Variants in CDH18 observed in about 807,000 individuals in gnomAD.
CDH18 encodes the protein cadherin-18.
CDH18 carries 31 observed loss-of-function variants against 67.9 expected under a neutral mutation model. The ratio of observed to expected loss-of-function variants is 0.46; its 90% CI spans 0.34 to 0.62. The LOEUF is 0.62. Among genes scored for constraint, CDH18 ranks in the 20% least tolerant of loss-of-function variants. The pLI is 0.01. For missense variants in CDH18, 890 were observed against 975.5 expected (o/e 0.91, Z 1.17); for synonymous variants, 362 against 347.2 (o/e 1.04, Z -0.48).
chr5:20,287,667 T>C (rs947290688), intron 1 of CDH18, among the ~76,000 whole-genome samples: 1 of 151,776 alleles, frequency 6.6e-6, no homozygotes, highest in Non-Finnish European at 1.5e-5. Flanking sequence ...CATGATGAGC[T>C]GATAACAATA....
At chr5:19,863,346 AGGT>A (rs1433977558) in intron 2 of CDH18, among the ~76,000 whole-genome samples, 1 of 152,162 alleles carries the variant, frequency 6.6e-6, no homozygotes, top group Non-Finnish European at 1.5e-5. Flanking sequence ...CTAGAAAACA[AGGT>A]TAACGCAGTG....
chr5:20,093,111 C>T (rs1745585437), intron 2 of CDH18, among the ~76,000 whole-genome samples: 1 of 152,048 alleles, frequency 6.6e-6, no homozygotes, highest in South Asian at 2.1e-4. Context: ...CTGGCACACA[C>T]CTGCATTCCC....
chr5:20,222,206 A>G (rs1300443717), intron 2 of CDH18, among the ~76,000 whole-genome samples: 1 of 152,212 alleles, frequency 6.6e-6, no homozygotes, highest in East Asian at 1.9e-4. Flanking sequence ...GAAAAGAATG[A>G]AGATAGATGC....
chr5:20,293,236 G>C (rs1747237315), intron 1 of CDH18, among the ~76,000 whole-genome samples: 1 of 152,088 alleles, frequency 6.6e-6, no homozygotes, highest in African/African-American at 2.4e-5. Context: ...AGAATTGCTT[G>C]AACCCAGGAG....
chr5:19,787,000 C>A (rs930529947), intron 3 of CDH18, among the ~76,000 whole-genome samples: 1 of 152,078 alleles, frequency 6.6e-6, no homozygotes, highest in African/African-American at 2.4e-5. Context: ...AGGACAAGAT[C>A]CCCTACAGAC....
At chr5:20,109,019 A>G (rs1438925639) in intron 2 of CDH18, among the ~76,000 whole-genome samples, 1 of 152,220 alleles carries the variant, frequency 6.6e-6, no homozygotes. Flanking sequence ...GAATCATTTA[A>G]TCTTCTATTT....
chr5:20,266,913 G>A (rs1745085539), intron 1 of CDH18, among the ~76,000 whole-genome samples: 1 of 152,102 alleles, frequency 6.6e-6, no homozygotes, highest in African/African-American at 2.4e-5. Flanking sequence ...AACATGTTTA[G>A]GAGTTGGAAG....
At chr5:20,160,913 A>G (rs1170597291) in intron 2 of CDH18, among the ~76,000 whole-genome samples, 1 of 152,258 alleles carries the variant, frequency 6.6e-6, no homozygotes, top group East Asian at 1.9e-4. Context: ...ATGGTTATAA[A>G]AAAAGAATAA....
At chr5:20,285,951 A>C (rs1381570351) in intron 1 of CDH18, among the ~76,000 whole-genome samples, 1 of 151,636 alleles carries the variant, frequency 6.6e-6, no homozygotes, top group East Asian at 1.9e-4. Context: ...ATCTTTAGTT[A>C]GTTTCTGTGA....
intron 2 of CDH18, among the ~76,000 whole-genome samples, chr5:19,920,716 G>GT (rs1305495507): frequency 1.3e-5 from 2 of 151,886 alleles, no homozygotes; most frequent in East Asian, 3.9e-4. Flanking sequence ...GTTTCACCAT[G>GT]TTGGCCAGTC....
chr5:20,476,329 A>G (rs1581072347), intron 1 of CDH18, among the ~76,000 whole-genome samples: 1 of 142,362 alleles, frequency 7.0e-6, no homozygotes, highest in Middle Eastern at 3.5e-3. Flanking sequence ...GATACTGGCC[A>G]TCATGGTCAT....
At chr5:20,372,130 G>C (rs6871042) in intron 1 of CDH18, among the ~76,000 whole-genome samples, 66,283 of 151,940 alleles carry the variant, frequency 0.44, 16,821 homozygotes, top group Middle Eastern at 0.66. Context: ...TTTAGTTTAC[G>C]CTTTTAAGCA....
chr5:20,047,461 A>G (rs1741008906), intron 2 of CDH18, among the ~76,000 whole-genome samples: 1 of 151,908 alleles, frequency 6.6e-6, no homozygotes, highest in African/African-American at 2.4e-5. Context: ...GGAATCTTTG[A>G]AAAAGGCAGA....
intron 4 of CDH18, among the ~76,000 whole-genome samples, chr5:19,722,605 A>T (rs573078869): frequency 2.6e-5 from 4 of 151,730 alleles, no homozygotes; most frequent in Non-Finnish European, 5.9e-5. Context: ...TAATCTAAGT[A>T]TAACATGACA....
intron 1 of CDH18, among the ~76,000 whole-genome samples, chr5:20,509,407 C>G (rs1437974506): frequency 7.2e-6 from 1 of 139,338 alleles, no homozygotes. Context: ...CAGGATTTCC[C>G]TTTTTTTTTT....
At chr5:19,524,935 C>T (rs1272201750) in intron 9 of CDH18, among the ~76,000 whole-genome samples, 2 of 152,040 alleles carry the variant, frequency 1.3e-5, no homozygotes, top group South Asian at 2.1e-4. Context: ...TTAGTAGAGA[C>T]GGGGTTTCAC....
chr5:20,115,509 T>G (rs1438057117), intron 2 of CDH18, among the ~76,000 whole-genome samples: 1 of 151,766 alleles, frequency 6.6e-6, no homozygotes, highest in African/African-American at 2.4e-5. Context: ...GATTTCTTGA[T>G]CTCATGATCC....
At chr5:19,565,728 G>A (rs574830195) in intron 8 of CDH18, among the ~76,000 whole-genome samples, 3 of 152,312 alleles carry the variant, frequency 2.0e-5, no homozygotes, top group East Asian at 1.9e-4. Context: ...AATTCAAAAT[G>A]TATTAAAACT....
intron 2 of CDH18, among the ~76,000 whole-genome samples, chr5:20,037,030 C>T (rs1021454762): frequency 3.3e-5 from 5 of 151,966 alleles, no homozygotes; most frequent in African/African-American, 1.2e-4. Context: ...CATGGGTCTC[C>T]TGAATACAGC....
Sources: allele counts gnomAD v4.1 joint callset (sites outside exome capture counted in the v4.1 genomes callset), GRCh38; gene constraint gnomAD v4.1.1; transcripts MANE v1.5; gene names NCBI Gene and HGNC (gene_info 2026-07-23, HGNC 2026-07-21).